Variants in SORBS2 observed in about 807,000 individuals in gnomAD.
SORBS2 encodes sorbin and SH3 domain containing 2, also known as sorbin and SH3 domain-containing protein 2.
A neutral mutation model predicts 97.7 loss-of-function variants in SORBS2; 46 were observed. The ratio of observed to expected loss-of-function variants is 0.47; its 90% confidence interval spans 0.37 to 0.60. The LOEUF is 0.60. Ranked by LOEUF, SORBS2 falls within the 20% of genes least tolerant of loss-of-function variation. The pLI is 0.00. For missense variants in SORBS2, 1,316 were observed against 1,282.3 expected (o/e 1.03, Z -0.40); for synonymous variants, 476 against 473.4 (o/e 1.01, Z -0.07).
intron 1 of SORBS2, chr4:185,919,198 C>T (rs1221824885): frequency 6.6e-6 from 1 of 152,218 alleles, no homozygotes; most frequent in Non-Finnish European, 1.5e-5. Flanking sequence ...TTACCACTTA[C>T]ATAGTTCAAT....
At chr4:185,910,088 A>G (rs2099254106) in intron 1 of SORBS2, among the ~76,000 whole-genome samples, 1 of 152,120 alleles carries the variant, frequency 6.6e-6, no homozygotes, top group Non-Finnish European at 1.5e-5. Context: ...ATGTTAAGAC[A>G]CACCTAGTAT....
At chr4:185,947,709 C>T (rs1411623092) in intron 1 of SORBS2, among the ~76,000 whole-genome samples, 1 of 152,162 alleles carries the variant, frequency 6.6e-6, no homozygotes, top group East Asian at 1.9e-4. Context: ...CTCCTGGGCT[C>T]AAGTGATTCT....
At chr4:185,643,442 T>C (rs1008851700) in intron 4 of SORBS2, among the ~76,000 whole-genome samples, 2 of 152,100 alleles carry the variant, frequency 1.3e-5, no homozygotes, top group Non-Finnish European at 2.9e-5. Context: ...GGGTTTCAGA[T>C]TTTGCTCGAA....
chr4:185,903,701 C>T (rs1054505523), intron 1 of SORBS2, among the ~76,000 whole-genome samples: 2 of 152,124 alleles, frequency 1.3e-5, no homozygotes. Flanking sequence ...GCCAGGATAA[C>T]GATGGAATGG....
chr4:185,778,189 A>G (rs1010177434), intron 1 of SORBS2, among the ~76,000 whole-genome samples: 16 of 152,180 alleles, frequency 1.1e-4, no homozygotes, highest in Non-Finnish European at 1.8e-4. Flanking sequence ...TTCTATTTCT[A>G]CTGGGCAGTG....
chr4:185,604,756 G>A (rs758590540), intron 12 of SORBS2, among the ~76,000 whole-genome samples: 1 of 152,122 alleles, frequency 6.6e-6, no homozygotes, highest in Non-Finnish European at 1.5e-5. Context: ...GGGGGTGGCT[G>A]GAGATAGGAA....
chr4:185,833,177 C>T (rs1400009777), intron 1 of SORBS2, among the ~76,000 whole-genome samples: 1 of 152,138 alleles, frequency 6.6e-6, no homozygotes, highest in Non-Finnish European at 1.5e-5. Flanking sequence ...CTGTACCACC[C>T]CATCTGACTA....
intron 13 of SORBS2, 56 bp downstream of exon 25, chr4:185,593,830 G>T: frequency 1.8e-6 from 2 of 1,123,326 alleles, no homozygotes; most frequent in Non-Finnish European, 2.7e-6. Context: ...TGGTACAGTT[G>T]TCCATTTTGT....
intron 1 of SORBS2, among the ~76,000 whole-genome samples, chr4:185,851,354 G>T (rs1276549829): frequency 6.6e-6 from 1 of 152,030 alleles, no homozygotes; most frequent in Non-Finnish European, 1.5e-5. Flanking sequence ...TTTTAAAGTG[G>T]TTCCATATTC....
intron 2 of SORBS2, among the ~76,000 whole-genome samples, chr4:185,733,381 G>C (rs192126031): frequency 5.3e-5 from 8 of 152,224 alleles, no homozygotes; most frequent in Non-Finnish European, 1.0e-4. Flanking sequence ...GGAGGCCTGG[G>C]AGCCAGCAGG....
chr4:185,820,589 C>T (rs956305803), intron 1 of SORBS2, among the ~76,000 whole-genome samples: 1 of 152,158 alleles, frequency 6.6e-6, no homozygotes, highest in South Asian at 2.1e-4. Context: ...GGGACAGAGG[C>T]TAGGGAGCAG....
intron 1 of SORBS2, among the ~76,000 whole-genome samples, chr4:185,839,337 A>T (rs2099210122): frequency 6.6e-6 from 1 of 152,188 alleles, no homozygotes; most frequent in Admixed American, 6.5e-5. Context: ...GAGTCATTAG[A>T]CCAGGACTGA....
intron 2 of SORBS2, among the ~76,000 whole-genome samples, chr4:185,714,329 C>CT (rs774448355): frequency 1.3e-5 from 2 of 152,170 alleles, no homozygotes; most frequent in Non-Finnish European, 2.9e-5. Context: ...CTCAGCCAGC[C>CT]TCTGACCCTA....
chr4:185,883,018 C>T (rs538094831), intron 1 of SORBS2, among the ~76,000 whole-genome samples: 4 of 151,736 alleles, frequency 2.6e-5, no homozygotes, highest in African/African-American at 9.7e-5. Flanking sequence ...GAAGCAGTAT[C>T]TAAAGCACAA....
At chr4:185,602,415 A>G (rs561325118) in intron 12 of SORBS2, among the ~76,000 whole-genome samples, 1 of 152,370 alleles carries the variant, frequency 6.6e-6, no homozygotes, top group East Asian at 1.9e-4. Context: ...TAATTTATGT[A>G]TCTTTCAGTC....
chr4:185,606,360 T>C lies in SORBS2; in HGVS notation c.2796+5420A>G. On this transcript the variant is annotated intron_variant, in intron 12 of 14. Coordinates refer to ENST00000418609, the Ensembl canonical transcript of SORBS2. This position sits in a 1 kb window ranked among gnomAD's most constrained non-coding sequence, Gnocchi z 4.3. ...AGACTTTTACAATATAAGTTTATGG[T>C]CCTGAAGAAAAATGGGATAATGGAA... 1 of 967,604 alleles carries C rather than the reference T, an allele frequency of 1.0e-6. No individual in the cohort carries two copies. The highest frequency in any genetic ancestry group is 1.2e-6 in the Non-Finnish European group (1 of 813,784). The allele number at this position is 967,604 out of a possible 1,614,324, so 59.9% of individuals were successfully genotyped here.
At chr4:185,636,698 G>T (rs1264370289) in intron 4 of SORBS2, among the ~76,000 whole-genome samples, 1 of 149,994 alleles carries the variant, frequency 6.7e-6, no homozygotes, top group Non-Finnish European at 1.5e-5. Context: ...GCCCAGGCTG[G>T]AGTGCAGTGG....
At chr4:185,589,454 G>A (rs1226685291) in intron 14 of SORBS2, among the ~76,000 whole-genome samples, 2 of 152,150 alleles carry the variant, frequency 1.3e-5, no homozygotes, top group African/African-American at 4.8e-5. Context: ...TCTCAGTTGA[G>A]TTGGAAATAA....
At chr4:185,900,075 C>G (rs1355717070) in intron 1 of SORBS2, among the ~76,000 whole-genome samples, 1 of 152,082 alleles carries the variant, frequency 6.6e-6, no homozygotes, top group Non-Finnish European at 1.5e-5. Flanking sequence ...TATGATCACA[C>G]CTGTGAATAG....
Sources: allele counts gnomAD v4.1 joint callset (sites outside exome capture counted in the v4.1 genomes callset), GRCh38; gene constraint gnomAD v4.1.1; non-coding constraint Gnocchi (gnomAD v3.1); transcripts MANE v1.5; gene names NCBI Gene and HGNC (gene_info 2026-07-23, HGNC 2026-07-21).